The following PARG variants were observed in gnomAD, a reference collection of about 807,000 sequenced individuals.
PARG encodes mitochondrial poly(ADP-ribose) glycohydrolase.
A neutral mutation model predicts 113.0 loss-of-function variants in PARG; 35 were observed. The observed-to-expected ratio is 0.31, with a 90% CI of 0.24 to 0.41. The LOEUF is 0.41. Among genes scored for constraint, PARG ranks in the 10% least tolerant of loss-of-function variants. The pLI is 1.00. For synonymous variants in PARG, 330 were observed against 409.9 expected, an observed-to-expected ratio of 0.81 and a Z score of 2.36; for missense variants, 797 against 1,169.4, an observed-to-expected ratio of 0.68 and a Z score of 4.64.
chr10:49,821,244 A>G (rs1588853848), intron 16 of PARG, among the ~76,000 whole-genome samples: 1 of 152,242 alleles, frequency 6.6e-6, no homozygotes, highest in South Asian at 2.1e-4. Flanking sequence ...CCGAAAATTT[A>G]GTTACCTTAC....
intron 17 of PARG, 24 bp downstream of exon 17, chr10:49,820,141 G>C: frequency 6.7e-7 from 1 of 1,489,198 alleles, no homozygotes; most frequent in Non-Finnish European, 9.2e-7. Flanking sequence ...TAGATACCAA[G>C]TGTCAAGAGT....
At chr10:49,910,268 C>G (rs375782137) in intron 7 of PARG, among the ~76,000 whole-genome samples, 146 of 151,054 alleles carry the variant, frequency 9.7e-4, no homozygotes, top group East Asian at 3.2e-3. Context: ...ATAACTACAG[C>G]GAAGACAAAA....
At chr10:49,866,372 C>T (rs1846515103) in intron 10 of PARG, among the ~76,000 whole-genome samples, 1 of 152,052 alleles carries the variant, frequency 6.6e-6, no homozygotes, top group African/African-American at 2.4e-5. Context: ...TCCTTGTTCT[C>T]AGTCAAAAGC....
At chr10:49,836,847 A>G (rs1554831199) in intron 15 of PARG, among the ~76,000 whole-genome samples, 3 of 152,218 alleles carry the variant, frequency 2.0e-5, no homozygotes. Flanking sequence ...GATGATTTGT[A>G]TCTCTCCACC....
rs1554830545 is a variant in PARG, at chr10:49,832,909, C to A, written c.2542-1G>T. On this transcript the variant is annotated splice_acceptor_variant, in intron 15 of 17. Transcript: ENST00000616448. LOFTEE classifies it high-confidence loss of function. ...CAGGACGGAGAAATCCACAGTAAGC[C>A]TGCAGGATAAAAGAATTATCAAAGC... The A allele has an allele frequency of 6.6e-7, 1 of 1,514,578 alleles. No homozygotes were observed. The highest frequency in any genetic ancestry group is 1.4e-5 in the African/African-American group (1 of 72,116). 93.8% of individuals were successfully genotyped at this position (1,514,578 alleles called of 1,614,324 possible).
intron 6 of PARG, among the ~76,000 whole-genome samples, chr10:49,918,579 G>A (rs1290806281): frequency 6.6e-6 from 1 of 152,100 alleles, no homozygotes; most frequent in Middle Eastern, 3.2e-3. Context: ...ATTTATATAA[G>A]TACTACTGTG....
rs1193452776 is a variant in PARG at position 49,832,729 on chromosome 10, T to C, written c.2647+74A>G. On this transcript the variant is annotated intron_variant, in intron 16 of 17. Coordinates refer to ENST00000616448, the MANE Select transcript of PARG (RefSeq NM_003631.5). ...ATTTTTGTGGTCTCATGACAGGACATGAGAAATCTGGTTTGAAGGACTAAC... is the reference window on the plus strand; with the variant it reads ...ATTTTTGTGGTCTCATGACAGGACACGAGAAATCTGGTTTGAAGGACTAAC... 4.8e-5 allele frequency: 35 copies of C among 732,910 alleles called. No homozygotes were observed. The Middle Eastern group carries it at 9.5e-4, about 20-fold the overall frequency. 45.4% of individuals were successfully genotyped at this position (732,910 alleles called of 1,614,324 possible).
intron 13 of PARG, among the ~76,000 whole-genome samples, chr10:49,848,232 C>T (rs1246027422): frequency 6.8e-6 from 1 of 148,108 alleles, no homozygotes; most frequent in Non-Finnish European, 1.5e-5. Context: ...ACCTGTAGTC[C>T]CAGCTACTCA....
At chr10:49,903,606 T>C (rs1301147789) in intron 7 of PARG, among the ~76,000 whole-genome samples, 2 of 152,312 alleles carry the variant, frequency 1.3e-5, no homozygotes, top group East Asian at 3.9e-4. Flanking sequence ...CATGGAGTTG[T>C]GCACAGGTAC....
chr10:49,831,146 G>A (rs1473047643), intron 16 of PARG, among the ~76,000 whole-genome samples: 2 of 152,212 alleles, frequency 1.3e-5, no homozygotes, highest in South Asian at 2.1e-4. Context: ...CATTGCTACT[G>A]AGATGACCTG....
intron 7 of PARG, among the ~76,000 whole-genome samples, chr10:49,912,863 G>A (rs1212669389): frequency 1.3e-5 from 2 of 152,120 alleles, no homozygotes; most frequent in Non-Finnish European, 2.9e-5. Context: ...AGCTAAACGG[G>A]AGGCTAAAGT....
At chr10:49,883,683 C>A (rs1456267760) in intron 8 of PARG, among the ~76,000 whole-genome samples, 1 of 151,990 alleles carries the variant, frequency 6.6e-6, no homozygotes, top group African/African-American at 2.4e-5. Context: ...CGCCTGTAGT[C>A]CCGGCTACTC....
At chr10:49,832,727 C>T in intron 16 of PARG, 76 bp downstream of exon 16, 1 of 709,410 alleles carries the variant, frequency 1.4e-6, no homozygotes. Context: ...CATGACAGGA[C>T]ATGAGAAATC....
chr10:49,839,229 T>C (rs1166357859), intron 15 of PARG, among the ~76,000 whole-genome samples: 1 of 151,554 alleles, frequency 6.6e-6, no homozygotes, highest in Non-Finnish European at 1.5e-5. Flanking sequence ...CCCAGCTACT[T>C]GGGAGGCTGA....
intron 4 of PARG, among the ~76,000 whole-genome samples, chr10:49,925,751 T>G (rs1302685155): frequency 3.3e-5 from 5 of 152,254 alleles, no homozygotes; most frequent in Non-Finnish European, 7.3e-5. Context: ...CTTAGGGGCC[T>G]GCCAGGAGTG....
chr10:49,843,685 C>T (rs1220070407), intron 13 of PARG, 53 bp from the exon 14 acceptor site: 7 of 1,177,002 alleles, frequency 5.9e-6, no homozygotes, highest in African/African-American at 1.5e-5. Context: ...CAAAAACATT[C>T]CACCTTTCAT....
chr10:49,837,543 T>C (rs1361702989), intron 15 of PARG, among the ~76,000 whole-genome samples: 1 of 152,144 alleles, frequency 6.6e-6, no homozygotes. Flanking sequence ...TATGTGAGAC[T>C]CCTGCTGCTC....
chr10:49,938,796 C>T (rs1354018055), intron 1 of PARG, among the ~76,000 whole-genome samples: 1 of 152,030 alleles, frequency 6.6e-6, no homozygotes, highest in Non-Finnish European at 1.5e-5. Flanking sequence ...TTTAAAGATA[C>T]TGAATAAATA....
intron 6 of PARG, among the ~76,000 whole-genome samples, chr10:49,918,684 G>T (rs1837634186): frequency 6.6e-6 from 1 of 152,136 alleles, no homozygotes; most frequent in Admixed American, 6.5e-5. Context: ...ACAGCAAAAA[G>T]ATCATTATAT....
Sources: allele counts gnomAD v4.1 joint callset (sites outside exome capture counted in the v4.1 genomes callset), GRCh38; gene constraint gnomAD v4.1.1; transcripts MANE v1.5; gene names NCBI Gene and HGNC (gene_info 2026-07-23, HGNC 2026-07-21).